Variants in SH3RF3 observed in about 807,000 individuals in gnomAD.
SH3RF3 encodes E3 ubiquitin-protein ligase SH3RF3.
A neutral mutation model predicts 66.3 loss-of-function variants in SH3RF3; 29 were observed. The ratio of observed to expected loss-of-function variants is 0.44; its 90% CI spans 0.33 to 0.60. The LOEUF (loss-of-function observed/expected upper bound fraction) is 0.60. Ranked by LOEUF, SH3RF3 falls within the 20% of genes least tolerant of loss-of-function variation. The probability of loss-of-function intolerance (pLI) is 0.04; values close to 1 mark genes in which losing one functional copy is unlikely to be tolerated. For missense variants in SH3RF3, 1,194 were observed against 1,190.9 expected (o/e 1.00, Z -0.04); for synonymous variants, 583 against 532.0 (o/e 1.10, Z -1.32).
intron 1 of SH3RF3, among the ~76,000 whole-genome samples, chr2:109,318,550 C>A (rs1259203609): frequency 1.3e-5 from 2 of 152,200 alleles, no homozygotes; most frequent in East Asian, 3.9e-4. Context: ...GTGGTTTGTC[C>A]TTGCGGGTGT....
chr2:109,141,339 G>A (rs1188601738), intron 1 of SH3RF3, among the ~76,000 whole-genome samples: 3 of 152,118 alleles, frequency 2.0e-5, no homozygotes, highest in South Asian at 2.1e-4. Context: ...GCAGCCTCTC[G>A]TCTCTGCCTG....
intron 1 of SH3RF3, among the ~76,000 whole-genome samples, chr2:109,286,002 C>A (rs1209588009): frequency 3.3e-5 from 5 of 152,182 alleles, no homozygotes; most frequent in Non-Finnish European, 5.9e-5. Flanking sequence ...TAAGCCAGGA[C>A]ACATCAGAGG....
Position 109,301,976 on chromosome 2 carries a change from G to A in SH3RF3, c.574-45698G>A, listed in dbSNP as rs1248370924. Among the ~76,000 whole-genome samples the A allele has an allele frequency of 3.3e-5, 5 of 152,346 alleles. No individual in the cohort carries two copies. In the East Asian group the frequency reaches 5.8e-4, roughly 18 times the overall value. On this transcript the variant is annotated intron_variant, in intron 1 of 9. Transcript: ENST00000309415. ...CTCTCCTGCATGTCTTCCTGGACCT[G>A]TGCTGATTTCAGCATCTTCGTTGTG...
chr2:109,170,266 T>TCTC (rs1398253581), intron 1 of SH3RF3, among the ~76,000 whole-genome samples: 5 of 80,056 alleles, frequency 6.2e-5, no homozygotes, highest in African/African-American at 1.8e-4. Context: ...TCTCTTCTCT[T>TCTC]CTCTTCTCTT....
intron 1 of SH3RF3, among the ~76,000 whole-genome samples, chr2:109,132,564 C>G (rs1676723930): frequency 6.6e-6 from 1 of 152,170 alleles, no homozygotes; most frequent in Admixed American, 6.5e-5. Context: ...ATAATATACC[C>G]AGTGACGAGT....
chr2:109,437,784 T>C (rs1573251871), intron 7 of SH3RF3, among the ~76,000 whole-genome samples: 1 of 152,210 alleles, frequency 6.6e-6, no homozygotes, highest in East Asian at 1.9e-4. Context: ...GGGTGGGCCT[T>C]AAAGGCATAA....
At chr2:109,351,446 C>G (rs1682835206) in intron 2 of SH3RF3, among the ~76,000 whole-genome samples, 2 of 152,248 alleles carry the variant, frequency 1.3e-5, no homozygotes, top group Non-Finnish European at 2.9e-5. Context: ...AGAATGTGAA[C>G]TACTCCATTG....
At chr2:109,306,257 G>A (rs149229943) in intron 1 of SH3RF3, among the ~76,000 whole-genome samples, 2 of 152,190 alleles carry the variant, frequency 1.3e-5, no homozygotes, top group Non-Finnish European at 2.9e-5. Context: ...CAGTGGGGCC[G>A]GGATGAGGGG....
At position 109,321,407 on chromosome 2, in the gene SH3RF3, T is replaced by C. The variant is rs373445091; in HGVS notation, c.574-26267T>C. The stretch of plus-strand genomic sequence containing the variant: ...GATTAGGAGCATTTGAAGTGGAAAT[T>C]AGTTGAGTTCAGGGCATACAGTTGT... On this transcript the variant is annotated intron_variant, in intron 1 of 9. Coordinates refer to ENST00000309415, the MANE Select transcript of SH3RF3 (RefSeq NM_001099289.3). Among the ~76,000 whole-genome samples, 53 of 152,354 alleles carry C rather than the reference T, an allele frequency of 3.5e-4. 3 individuals carry two copies. In the South Asian group the frequency reaches 0.01, roughly 30 times the overall value.
rs376984287 is a variant in SH3RF3, at chr2:109,449,200, G to C, written c.1859G>C (p.Arg620Pro). 2.5e-6 allele frequency: 4 copies of C among 1,613,538 alleles called. No individual in the cohort carries two copies. The highest frequency in any genetic ancestry group is 1.7e-5 in the Admixed American group (1 of 59,966). ...AAHSAAQAQD[R>P]PTATVSPLRT... ...CACTCTGCAGCCCAGGCTCAGGACC[G>C]GCCAACTGCCACCGTGTCACCCCTG... The change falls in exon 8 of 10, where the codon CGG becomes CCG. Residue 620 changes from arginine to proline, a missense_variant. By Grantham distance (103) the Arg-to-Pro change is moderately radical. Coordinates refer to ENST00000309415, the MANE Select transcript of SH3RF3 (RefSeq NM_001099289.3).
intron 1 of SH3RF3, among the ~76,000 whole-genome samples, chr2:109,143,136 C>T (rs1676998201): frequency 1.3e-5 from 2 of 152,030 alleles, no homozygotes; most frequent in Admixed American, 6.6e-5. Flanking sequence ...ACCTGGGAAA[C>T]GTTTTATATT....
At chr2:109,442,585 G>T (rs1677599738) in intron 7 of SH3RF3, among the ~76,000 whole-genome samples, 1 of 152,158 alleles carries the variant, frequency 6.6e-6, no homozygotes, top group Admixed American at 6.5e-5. Context: ...CACAAAGTTT[G>T]GGAAGGGAGA....
intron 1 of SH3RF3, among the ~76,000 whole-genome samples, chr2:109,242,991 TG>T (rs778020867): frequency 2.0e-5 from 3 of 152,262 alleles, no homozygotes; most frequent in Admixed American, 1.3e-4. Flanking sequence ...CTCATGGTTC[TG>T]TTATTCTGAG....
intron 1 of SH3RF3, among the ~76,000 whole-genome samples, chr2:109,174,825 T>C (rs1677880423): frequency 6.6e-6 from 1 of 152,184 alleles, no homozygotes; most frequent in Non-Finnish European, 1.5e-5. Context: ...GCGTGCAAGC[T>C]TCAGGGATAG....
chr2:109,427,267 A>G (rs1677051634), intron 5 of SH3RF3, among the ~76,000 whole-genome samples: 2 of 152,158 alleles, frequency 1.3e-5, no homozygotes, highest in African/African-American at 4.8e-5. Flanking sequence ...CCGTGCCTGG[A>G]CAAAGAAAAT....
chr2:109,369,082 C>T (rs1028637949), intron 2 of SH3RF3, among the ~76,000 whole-genome samples: 2 of 152,026 alleles, frequency 1.3e-5, no homozygotes, highest in African/African-American at 2.4e-5. Context: ...TGGTGGCTCA[C>T]GCCTATAATC....
chr2:109,357,005 A>G (rs1050707067), intron 2 of SH3RF3, among the ~76,000 whole-genome samples: 5 of 152,098 alleles, frequency 3.3e-5, no homozygotes, highest in African/African-American at 1.2e-4. Flanking sequence ...ACTGAATGCA[A>G]CATTCAAGGC....
intron 3 of SH3RF3, among the ~76,000 whole-genome samples, chr2:109,383,991 G>C (rs911491938): frequency 3.3e-5 from 5 of 152,138 alleles, no homozygotes; most frequent in African/African-American, 1.2e-4. Context: ...TTCAGGGCTG[G>C]CCCCTCACAA....
chr2:109,387,889 A>T (rs1385239351), intron 3 of SH3RF3, among the ~76,000 whole-genome samples: 2 of 150,176 alleles, frequency 1.3e-5, no homozygotes, highest in Admixed American at 6.6e-5. Flanking sequence ...CGGCCCATCC[A>T]CCCGCACACG....
Sources: gnomAD v4.1 joint callset for allele counts (sites outside exome capture counted in the v4.1 genomes callset) on GRCh38, gnomAD v4.1.1 for gene constraint, MANE v1.5 for transcripts, NCBI Gene and HGNC (gene_info 2026-07-23, HGNC 2026-07-21) for gene names.